The following ARNT2 variants were observed in gnomAD, a reference collection of about 807,000 sequenced individuals.
The protein encoded by ARNT2 is ARNT protein 2.
A neutral mutation model predicts 91.7 loss-of-function variants in ARNT2; 36 were observed. That is an observed-to-expected ratio of 0.39 (90% CI 0.30 to 0.52). The LOEUF (loss-of-function observed/expected upper bound fraction) is 0.52. Ranked by LOEUF, ARNT2 falls within the 20% of genes least tolerant of loss-of-function variation. The pLI is 0.72. For missense variants in ARNT2, 775 were observed against 939.3 expected, an observed-to-expected ratio of 0.83 and a Z score of 2.29; for synonymous variants, 365 against 347.1, an observed-to-expected ratio of 1.05 and a Z score of -0.57.
At chr15:80,457,028 G>A (rs1896491115) in intron 2 of ARNT2, among the ~76,000 whole-genome samples, 1 of 152,224 alleles carries the variant, frequency 6.6e-6, no homozygotes, top group South Asian at 2.1e-4. Context: ...GGAAAGCTCA[G>A]ACATCTGTAT....
intron 8 of ARNT2, among the ~76,000 whole-genome samples, chr15:80,534,932 A>G (rs1475476490): frequency 6.6e-6 from 1 of 152,198 alleles, no homozygotes; most frequent in East Asian, 1.9e-4. Context: ...TTCTCTACTC[A>G]AAAGCCATAC....
intron 1 of ARNT2, among the ~76,000 whole-genome samples, chr15:80,442,526 G>C (rs1248919030): frequency 6.6e-6 from 1 of 152,224 alleles, no homozygotes; most frequent in Admixed American, 6.5e-5. Flanking sequence ...CTTTGCAAAT[G>C]CTGCTTATAA....
intron 8 of ARNT2, among the ~76,000 whole-genome samples, chr15:80,528,366 T>TTATCTATC (rs149942992): frequency 0.022 from 3,283 of 148,850 alleles, 40 homozygotes; most frequent in East Asian, 0.033. Context: ...ATTTGACCAT[T>TTATCTATC]TATCTATCTA....
intron 12 of ARNT2, among the ~76,000 whole-genome samples, chr15:80,564,691 C>T (rs1300798221): frequency 6.9e-6 from 1 of 145,810 alleles, no homozygotes. Flanking sequence ...CACCCTCCCT[C>T]TCTAGTAGTC....
At chr15:80,562,304 A>C (rs995943478) in intron 11 of ARNT2, among the ~76,000 whole-genome samples, 1 of 152,226 alleles carries the variant, frequency 6.6e-6, no homozygotes, top group East Asian at 1.9e-4. Context: ...CAATAGAACA[A>C]AGGGGAGATC....
At chr15:80,579,301 T>C (rs1164716812) in intron 15 of ARNT2, among the ~76,000 whole-genome samples, 1 of 152,182 alleles carries the variant, frequency 6.6e-6, no homozygotes, top group African/African-American at 2.4e-5. Flanking sequence ...GGAGCCCTTA[T>C]GTTAAATGAG....
chr15:80,453,647 G>T (rs959445140), intron 2 of ARNT2, among the ~76,000 whole-genome samples: 1 of 152,156 alleles, frequency 6.6e-6, no homozygotes, highest in Admixed American at 6.5e-5. Context: ...TCATCGAAAT[G>T]CAGGTAACCC....
Position 80,581,235 on chromosome 15 carries a change from G to T in ARNT2, c.1753-4G>T, listed in dbSNP as rs1198567285. ...TCCATCTCTTTGCTTTGTCCTGATT[G>T]TAGCAAATCCCATCTCAGTCCAGCA... On this transcript the variant is annotated splice_polypyrimidine_tract_variant and splice_region_variant and intron_variant, in intron 16 of 18. Coordinates refer to ENST00000303329, the MANE Select transcript of ARNT2 (RefSeq NM_014862.4). The T allele has an allele frequency of 1.2e-6, 2 of 1,614,082 alleles. No individual in the cohort carries two copies. The highest frequency in any genetic ancestry group is 1.7e-6 in the Non-Finnish European group (2 of 1,179,998).
chr15:80,544,774 A>G (rs1897964657), intron 8 of ARNT2, among the ~76,000 whole-genome samples: 1 of 152,232 alleles, frequency 6.6e-6, no homozygotes, highest in African/African-American at 2.4e-5. Context: ...AAGAATATAG[A>G]GAGGCAAACT....
intron 1 of ARNT2, among the ~76,000 whole-genome samples, chr15:80,407,336 C>G (rs1423778688): frequency 6.6e-6 from 1 of 152,168 alleles, no homozygotes; most frequent in Admixed American, 6.5e-5. Context: ...TTGTTGGTGA[C>G]CGGTGATGTT....
At chr15:80,480,677 G>A (rs1009602849) in intron 5 of ARNT2, among the ~76,000 whole-genome samples, 69 of 152,172 alleles carry the variant, frequency 4.5e-4, no homozygotes, top group African/African-American at 1.6e-3. Context: ...GTAGAAAATA[G>A]CTTCAAAATA....
chr15:80,524,664 C>T (rs1468800375), intron 8 of ARNT2, among the ~76,000 whole-genome samples: 1 of 152,064 alleles, frequency 6.6e-6, no homozygotes. Context: ...TTCATGAGGT[C>T]AGCAGATCGA....
intron 5 of ARNT2, among the ~76,000 whole-genome samples, chr15:80,490,798 A>G (rs1897045791): frequency 6.6e-6 from 1 of 152,244 alleles, no homozygotes; most frequent in Admixed American, 6.5e-5. Flanking sequence ...GAAACGGAAG[A>G]TGCAGCAATG....
rs1898628465 is a variant in ARNT2, at chr15:80,574,151, A to G, written c.1320A>G (p.Gln440=). Residue 440 remains glutamine, a synonymous_variant, in exon 13 of 19, where the codon CAA becomes CAG. Transcript: ENST00000303329. ...CTGTTGTCTTCTTGTTTCACAGGCA[A>G]CTTCAGCAACAGCAGGCAGAATTGG... ...YIICTNTNVK[Q]LQQQQAELEV... 2.5e-6 allele frequency: 4 copies of G among 1,614,194 alleles called. No homozygotes were observed. Among genetic ancestry groups the G allele is most frequent in the South Asian group, 2.2e-5 (2 of 91,080 alleles).
At chr15:80,511,515 A>T (rs1454263730) in intron 6 of ARNT2, among the ~76,000 whole-genome samples, 3 of 152,054 alleles carry the variant, frequency 2.0e-5, no homozygotes, top group African/African-American at 7.2e-5. Context: ...ACTTGAACTT[A>T]AAAACTAAAA....
intron 1 of ARNT2, among the ~76,000 whole-genome samples, chr15:80,440,402 G>A (rs1318718414): frequency 6.6e-6 from 1 of 152,170 alleles, no homozygotes; most frequent in East Asian, 1.9e-4. Context: ...CCATCTTCTT[G>A]CTGGGTCTGT....
At chr15:80,520,140 T>C (rs1025371203) in intron 8 of ARNT2, among the ~76,000 whole-genome samples, 1 of 151,972 alleles carries the variant, frequency 6.6e-6, no homozygotes, top group African/African-American at 2.4e-5. Context: ...TCCTTTCACA[T>C]GCGCAAAATA....
chr15:80,519,997 C>T (rs1411820750), intron 8 of ARNT2, among the ~76,000 whole-genome samples: 8 of 148,048 alleles, frequency 5.4e-5, no homozygotes, highest in South Asian at 4.3e-4. Flanking sequence ...CGTGCCTGGC[C>T]GCTTTTTTTT....
chr15:80,411,675 A>G (rs1755025110), intron 1 of ARNT2, among the ~76,000 whole-genome samples: 1 of 152,196 alleles, frequency 6.6e-6, no homozygotes. Context: ...GAATGTATTT[A>G]TATATTTTTA....
Sources: gnomAD v4.1 joint callset for allele counts (sites outside exome capture counted in the v4.1 genomes callset) on GRCh38, gnomAD v4.1.1 for gene constraint, MANE v1.5 for transcripts, NCBI Gene and HGNC (gene_info 2026-07-23, HGNC 2026-07-21) for gene names.